Variants in BRAF observed in about 807,000 individuals in gnomAD.
BRAF encodes serine/threonine-protein kinase B-raf.
Under a neutral mutation model 104.6 loss-of-function variants are expected in BRAF, and 16 were observed. That is an observed-to-expected ratio of 0.15 (90% CI 0.10 to 0.23). The LOEUF (loss-of-function observed/expected upper bound fraction) is 0.23, where lower values mean the gene tolerates loss of function less well. BRAF is among the 10% of genes least tolerant of loss of function. The pLI is 1.00. For synonymous variants in BRAF, 310 were observed against 341.6 expected (o/e 0.91, Z 1.02); for missense variants, 541 against 937.3 (o/e 0.58, Z 5.52).
intron 7 of BRAF, chr7:140,799,696 T>C: frequency 4.3e-6 from 1 of 233,014 alleles, no homozygotes; most frequent in Non-Finnish European, 8.5e-6. Context: ...GCACTCTCTT[T>C]TTCCTCACTA....
chr7:140,856,631 A>C (rs1809815018), intron 1 of BRAF, among the ~76,000 whole-genome samples: 1 of 152,216 alleles, frequency 6.6e-6, no homozygotes, highest in Non-Finnish European at 1.5e-5. Flanking sequence ...AGAGAATTAA[A>C]GGACTAGAAG....
chr7:140,893,553 A>G (rs1814520281), intron 1 of BRAF, among the ~76,000 whole-genome samples: 1 of 151,746 alleles, frequency 6.6e-6, no homozygotes, highest in Admixed American at 6.6e-5. Flanking sequence ...CCAGCCCCCC[A>G]TAACATTCTT....
intron 7 of BRAF, among the ~76,000 whole-genome samples, chr7:140,798,272 CTT>C (rs10525418): frequency 8.6e-6 from 1 of 115,624 alleles, no homozygotes; most frequent in Non-Finnish European, 1.7e-5. Context: ...CTTTTTTTTT[CTT>C]TTTTTTGAGA....
chr7:140,842,038 T>TA (rs913765785), intron 2 of BRAF, among the ~76,000 whole-genome samples: 6 of 152,212 alleles, frequency 3.9e-5, no homozygotes, highest in African/African-American at 1.4e-4. Flanking sequence ...CCATAAATGA[T>TA]ATATAATGGA....
chr7:140,769,852 G>A (rs868675370), intron 14 of BRAF, among the ~76,000 whole-genome samples: 4 of 152,132 alleles, frequency 2.6e-5, no homozygotes, highest in African/African-American at 9.7e-5. Flanking sequence ...TGGGATTAGA[G>A]GCATGAGCCA....
At chr7:140,796,782 C>T (rs530540176) in intron 7 of BRAF, among the ~76,000 whole-genome samples, 1 of 152,210 alleles carries the variant, frequency 6.6e-6, no homozygotes, top group Admixed American at 6.5e-5. Context: ...TCAGCCATGT[C>T]CTAATTCTAT....
At chr7:140,813,551 A>C (rs1206470845) in intron 3 of BRAF, among the ~76,000 whole-genome samples, 1 of 152,186 alleles carries the variant, frequency 6.6e-6, no homozygotes. Context: ...CATAAGAATA[A>C]TGTATGTGCA....
intron 2 of BRAF, among the ~76,000 whole-genome samples, chr7:140,836,486 A>G (rs1444522182): frequency 1.3e-5 from 2 of 150,790 alleles, no homozygotes; most frequent in Non-Finnish European, 2.9e-5. Flanking sequence ...TCGAACAAAT[A>G]AGGGGGGCGG....
intron 3 of BRAF, among the ~76,000 whole-genome samples, chr7:140,821,472 TTTTGTA>T (rs1805480759): frequency 6.6e-6 from 1 of 151,638 alleles, no homozygotes; most frequent in South Asian, 2.1e-4. Context: ...TAATTTTTTT[TTTTGTA>T]TTTTTAGTAG....
chr7:140,832,653 T>C (rs1307415815), intron 3 of BRAF, among the ~76,000 whole-genome samples: 1 of 152,194 alleles, frequency 6.6e-6, no homozygotes, highest in Admixed American at 6.5e-5. Flanking sequence ...ATTGTTAAAC[T>C]GGGAGTATGA....
At chr7:140,923,546 A>C (rs1818490341) in intron 1 of BRAF, among the ~76,000 whole-genome samples, 1 of 152,220 alleles carries the variant, frequency 6.6e-6, no homozygotes, top group Non-Finnish European at 1.5e-5. Flanking sequence ...AACACTAAGA[A>C]ATCAATCAGA....
At chr7:140,806,110 C>A (rs1365589049) in intron 5 of BRAF, among the ~76,000 whole-genome samples, 7 of 152,154 alleles carry the variant, frequency 4.6e-5, no homozygotes. Context: ...TTGTATCATC[C>A]ATTCTGAACT....
Position 140,739,914 on chromosome 7 carries a change from A to C in BRAF, c.2145T>G (p.Ser715=), listed in dbSNP as rs1477086075. 1 of 1,613,868 alleles carries C rather than the reference A, an allele frequency of 6.2e-7. No homozygotes were observed. The highest frequency in any genetic ancestry group is 2.2e-5 in the East Asian group (1 of 44,862). The change falls in exon 18 of 20, where the codon TCT becomes TCG. Residue 715 remains serine, a synonymous_variant. Coordinates refer to ENST00000644969, the MANE Select transcript of BRAF (RefSeq NM_001374258.1). Reference sequence around the variant, plus strand: ...TACTCCGTACCTTACTGAGATCTGGAGACAGGTATCCTCGTCCCACCATAA... The same window carrying C: ...TACTCCGTACCTTACTGAGATCTGGCGACAGGTATCCTCGTCCCACCATAA... ...IIFMVGRGYL[S]PDLSKVRSNC...
intron 3 of BRAF, among the ~76,000 whole-genome samples, chr7:140,828,039 G>A (rs1806266127): frequency 6.6e-6 from 1 of 152,078 alleles, no homozygotes; most frequent in Non-Finnish European, 1.5e-5. Context: ...TGGGTTACAG[G>A]CATGCGGCAC....
intron 1 of BRAF, among the ~76,000 whole-genome samples, chr7:140,910,490 C>A (rs1816847121): frequency 6.6e-6 from 1 of 152,074 alleles, no homozygotes; most frequent in Non-Finnish European, 1.5e-5. Context: ...CAAATGAAAT[C>A]CCAAGCACAA....
At chr7:140,923,612 A>G (rs1818503094) in intron 1 of BRAF, among the ~76,000 whole-genome samples, 1 of 152,222 alleles carries the variant, frequency 6.6e-6, no homozygotes, top group Non-Finnish European at 1.5e-5. Context: ...CGACTAGCCA[A>G]AAAGTGCCAG....
intron 1 of BRAF, among the ~76,000 whole-genome samples, chr7:140,904,174 T>G (rs1816016523): frequency 1.3e-5 from 2 of 152,220 alleles, no homozygotes; most frequent in Admixed American, 1.3e-4. Context: ...AGAAATCTTT[T>G]GTGAAAAGAA....
chr7:140,786,906 G>A (rs1356046114), intron 9 of BRAF, among the ~76,000 whole-genome samples: 1 of 152,300 alleles, frequency 6.6e-6, no homozygotes, highest in East Asian at 1.9e-4. Context: ...TCTTTCCTTG[G>A]TAAGATATTT....
intron 16 of BRAF, among the ~76,000 whole-genome samples, chr7:140,750,084 C>T (rs955590489): frequency 6.6e-6 from 1 of 152,198 alleles, no homozygotes; most frequent in Non-Finnish European, 1.5e-5. Flanking sequence ...TACATTTTTA[C>T]ACATTTCAGT....
Sources: gnomAD v4.1 joint callset for allele counts (sites outside exome capture counted in the v4.1 genomes callset) on GRCh38, gnomAD v4.1.1 for gene constraint, MANE v1.5 for transcripts, NCBI Gene and HGNC (gene_info 2026-07-23, HGNC 2026-07-21) for gene names.